The following SHISA9 variants were observed in gnomAD, a reference collection of about 807,000 sequenced individuals.
SHISA9 encodes protein shisa-9.
Under a neutral mutation model 38.0 loss-of-function variants are expected in SHISA9, and 13 were observed. The observed-to-expected ratio is 0.34, with a 90% CI of 0.22 to 0.54. The LOEUF (loss-of-function observed/expected upper bound fraction) is 0.54. Among genes scored for constraint, SHISA9 ranks in the 20% least tolerant of loss-of-function variants. The pLI is 0.91. For missense variants in SHISA9, 538 were observed against 575.8 expected (o/e 0.93, Z 0.67); for synonymous variants, 275 against 242.0 (o/e 1.14, Z -1.27).
chr16:13,007,339 T>C (rs1567179496), intron 2 of SHISA9, among the ~76,000 whole-genome samples: 2 of 152,280 alleles, frequency 1.3e-5, no homozygotes, highest in East Asian at 3.9e-4. Flanking sequence ...TGCTCCCTCT[T>C]TTCCAACCTC....
the SHISA9 span, among the ~76,000 whole-genome samples, chr16:13,273,715 C>T: frequency 6.6e-6 from 1 of 152,106 alleles, no homozygotes; most frequent in African/African-American, 2.4e-5. Context: ...GCCTATTGCA[C>T]AGGAAAATTA....
intron 4 of SHISA9, 123 bp from the exon 5 acceptor site, chr16:13,234,907 G>T: frequency 8.5e-7 from 1 of 1,171,678 alleles, no homozygotes; most frequent in Non-Finnish European, 1.2e-6. Context: ...GTCTTGTTTG[G>T]ACTGTTGGCC....
the SHISA9 span, among the ~76,000 whole-genome samples, chr16:13,279,139 G>A: frequency 7.2e-5 from 11 of 152,008 alleles, no homozygotes; most frequent in South Asian, 2.1e-4. Flanking sequence ...TCTGGATTTC[G>A]TTTTTGACCC....
chr16:13,340,041 T>C, the SHISA9 span, among the ~76,000 whole-genome samples: 1 of 152,206 alleles, frequency 6.6e-6, no homozygotes, highest in Non-Finnish European at 1.5e-5. Context: ...ATTAAAAGTA[T>C]GGTAAACTTT....
At chr16:13,167,379 T>C (rs1338789692) in intron 2 of SHISA9, among the ~76,000 whole-genome samples, 1 of 152,150 alleles carries the variant, frequency 6.6e-6, no homozygotes, top group Non-Finnish European at 1.5e-5. Flanking sequence ...GCCACTTTAC[T>C]CCTCTTCTCA....
intron 4 of SHISA9, among the ~76,000 whole-genome samples, chr16:13,227,865 G>T (rs763974143): frequency 6.6e-6 from 1 of 152,164 alleles, no homozygotes; most frequent in African/African-American, 2.4e-5. Context: ...CAGAAAAGAA[G>T]GCAGCTTGGT....
chr16:13,303,266 A>G, the SHISA9 span, among the ~76,000 whole-genome samples: 198 of 152,336 alleles, frequency 1.3e-3, no homozygotes, highest in African/African-American at 4.1e-3. Flanking sequence ...AAAAAAATAC[A>G]TGTGCATGTA....
At chr16:12,942,702 C>T (rs1382433856) in intron 2 of SHISA9, among the ~76,000 whole-genome samples, 5 of 152,218 alleles carry the variant, frequency 3.3e-5, no homozygotes, top group Non-Finnish European at 5.9e-5. Context: ...TCCCTTTTCA[C>T]TTTGTTTACC....
intron 2 of SHISA9, among the ~76,000 whole-genome samples, chr16:12,926,393 G>C (rs975355293): frequency 6.6e-6 from 1 of 152,030 alleles, no homozygotes; most frequent in African/African-American, 2.4e-5. Context: ...GGAGGACTCA[G>C]ATTTTAGCTA....
chr16:13,468,098 A>C, the SHISA9 span, among the ~76,000 whole-genome samples: 8 of 152,202 alleles, frequency 5.3e-5, no homozygotes, highest in East Asian at 1.5e-3. Context: ...AAATGGATAT[A>C]GTTTTATTCC....
At chr16:13,206,748 A>G (rs1255512420) in intron 3 of SHISA9, among the ~76,000 whole-genome samples, 1 of 152,260 alleles carries the variant, frequency 6.6e-6, no homozygotes. Context: ...CATGTTTCAC[A>G]TTGAATTTCT....
At chr16:13,521,621 G>A in the SHISA9 span, among the ~76,000 whole-genome samples, 1 of 152,204 alleles carries the variant, frequency 6.6e-6, no homozygotes, top group African/African-American at 2.4e-5. Flanking sequence ...TTTGGCATTA[G>A]AGTGGGTTTT....
At chr16:13,410,279 T>C in the SHISA9 span, among the ~76,000 whole-genome samples, 1 of 152,214 alleles carries the variant, frequency 6.6e-6, no homozygotes, top group African/African-American at 2.4e-5. Context: ...ATTGCAGTGA[T>C]GAGGACATCA....
chr16:12,928,071 A>G (rs1160976732), intron 2 of SHISA9, among the ~76,000 whole-genome samples: 3 of 152,206 alleles, frequency 2.0e-5, no homozygotes, highest in Non-Finnish European at 4.4e-5. Context: ...AACATCAAAC[A>G]ATTTAGGTTA....
the SHISA9 span, among the ~76,000 whole-genome samples, chr16:13,508,591 A>G: frequency 0.016 from 2,495 of 152,300 alleles, 79 homozygotes; most frequent in African/African-American, 0.056. Flanking sequence ...ACTTAAACAC[A>G]TGTCAGAGAT....
rs918920469 is a variant in SHISA9, at chr16:13,049,291, T to C, written c.691+132476T>C. Among the ~76,000 whole-genome samples, 7 of 152,052 alleles carry C rather than the reference T, an allele frequency of 4.6e-5. No homozygotes were observed. The South Asian group carries it at 6.2e-4, about 14-fold the overall frequency. On this transcript the variant is annotated intron_variant, in intron 2 of 4. Transcript: ENST00000558583. Reference sequence around the variant, plus strand: ...ATATCTAGGATTCATTTCTGGCAAGTTGAAGATCATCTCCAAGTCTCCCTT... The same window carrying C: ...ATATCTAGGATTCATTTCTGGCAAGCTGAAGATCATCTCCAAGTCTCCCTT...
At chr16:13,271,950 G>C in the SHISA9 span, among the ~76,000 whole-genome samples, 3 of 151,968 alleles carry the variant, frequency 2.0e-5, no homozygotes, top group Non-Finnish European at 4.4e-5. Flanking sequence ...ATGGTAGCAG[G>C]CACCTGTAAT....
At chr16:13,258,766 T>C in the SHISA9 span, among the ~76,000 whole-genome samples, 1 of 152,260 alleles carries the variant, frequency 6.6e-6, no homozygotes, top group East Asian at 1.9e-4. Context: ...TGAGACTTAT[T>C]CACTAGAAAG....
intron 2 of SHISA9, among the ~76,000 whole-genome samples, chr16:13,191,637 G>A (rs760933049): frequency 6.6e-6 from 1 of 152,170 alleles, no homozygotes; most frequent in African/African-American, 2.4e-5. Flanking sequence ...GTAAGTGGAA[G>A]AGCAAAAATT....
Sources: gnomAD v4.1 joint callset for allele counts (sites outside exome capture counted in the v4.1 genomes callset) on GRCh38, gnomAD v4.1.1 for gene constraint, MANE v1.5 for transcripts, NCBI Gene and HGNC (gene_info 2026-07-23, HGNC 2026-07-21) for gene names.